Variants in GTF2H5 observed in about 807,000 individuals in gnomAD.
GTF2H5 encodes the protein TFB5 ortholog.
A neutral mutation model predicts 7.1 loss-of-function variants in GTF2H5; 5 were observed. The observed-to-expected ratio is 0.71, with a 90% CI of 0.37 to 1.49. The LOEUF is 1.49. GTF2H5 is among the 40% of genes most tolerant of loss of function. The pLI is 0.03. For missense variants in GTF2H5, 80 were observed against 83.0 expected (o/e 0.96, Z 0.14); for synonymous variants, 30 against 31.7 (o/e 0.95, Z 0.18).
At chr6:158,169,462 T>TAATATACTG (rs1562468201) in intron 1 of GTF2H5, among the ~76,000 whole-genome samples, 12 of 69,880 alleles carry the variant, frequency 1.7e-4, no homozygotes, top group African/African-American at 9.7e-4. Flanking sequence ...ATTATATATA[T>TAATATACTG]TATATTGTAT....
intron 1 of GTF2H5, among the ~76,000 whole-genome samples, chr6:158,169,739 TATATATTATATA>T (rs1785804860): frequency 9.9e-6 from 1 of 100,556 alleles, no homozygotes; most frequent in Non-Finnish European, 1.7e-5. Flanking sequence ...TATTGTATAT[TATATATTATATA>T]ATATATTGTA....
chr6:158,175,009 G>GGTGT (rs1187190034), intron 2 of GTF2H5, among the ~76,000 whole-genome samples: 83 of 77,832 alleles, frequency 1.1e-3, no homozygotes, highest in Middle Eastern at 5.0e-3. Context: ...CTGTGCCTGA[G>GGTGT]ATGTGTGTGT....
In GTF2H5 at chr6:158,196,382, G is replaced by A. The variant is rs115613510; in HGVS notation, c.*4225G>A. On this transcript the variant is annotated 3_prime_UTR_variant, in exon 3 of 3. Coordinates refer to ENST00000607778, the MANE Select transcript of GTF2H5 (RefSeq NM_207118.3). ...CTAGCTCTGGGATCTCAGATGTTTC[G>A]TTGATTGGATTTCTTTGTGCTCATT... is the stretch of plus-strand genomic sequence containing the variant. 4.0e-3 allele frequency: 607 copies of A among 152,278 alleles called. 6 individuals carry two copies. The highest frequency in any genetic ancestry group is 0.014 in the African/African-American group (571 of 41,566). 9.4% of individuals were successfully genotyped at this position (152,278 alleles called of 1,614,324 possible). A position where few individuals can be genotyped will look rare whatever the true frequency, so the allele number is the denominator to read the frequency against.
chr6:158,179,476 G>A (rs143727501), intron 2 of GTF2H5, among the ~76,000 whole-genome samples: 4 of 152,276 alleles, frequency 2.6e-5, no homozygotes, highest in African/African-American at 7.2e-5. Context: ...TCCTATCCAC[G>A]AGCATGGAAT....
In GTF2H5 at chr6:158,192,282, G is replaced by A; in HGVS notation, c.*125G>A. 2 of 725,664 alleles carry A rather than the reference G, an allele frequency of 2.8e-6. No individual in the cohort carries two copies. Among genetic ancestry groups the A allele is most frequent in the African/African-American group, 1.7e-5 (1 of 57,220 alleles). 45.0% of individuals were successfully genotyped at this position (725,664 alleles called of 1,614,324 possible). ...AGGAGCATGCCACGGGAAAGACTGA[G>A]GGATCATGATCATTTGTTCAGAAAA... is the stretch of plus-strand genomic sequence containing the variant. On this transcript the variant is annotated 3_prime_UTR_variant, in exon 3 of 3. Coordinates refer to ENST00000607778, the MANE Select transcript of GTF2H5 (RefSeq NM_207118.3).
chr6:158,169,488 T>TAATATAC (rs1562468305), intron 1 of GTF2H5, among the ~76,000 whole-genome samples: 1 of 57,008 alleles, frequency 1.8e-5, no homozygotes, highest in African/African-American at 8.6e-5. Context: ...ATATAATATA[T>TAATATAC]TGTATATTAT....
intron 2 of GTF2H5, among the ~76,000 whole-genome samples, chr6:158,183,744 G>A (rs998233046): frequency 4.6e-5 from 7 of 152,200 alleles, no homozygotes; most frequent in Middle Eastern, 6.3e-3. Context: ...CGCTTGTTGC[G>A]AAGACAGTGG....
At chr6:158,190,750 C>G (rs1043674190) in intron 2 of GTF2H5, 12 of 387,924 alleles carry the variant, frequency 3.1e-5, no homozygotes, top group African/African-American at 2.5e-4. Context: ...TTGATATTGA[C>G]ATTTCTCAAG....
rs1272280632 is a variant in GTF2H5, at chr6:158,168,359, C to G, written c.-71C>G. Reference sequence around the variant, plus strand: ...GCGTATCGGCGCAGGCGCACTCTGCCGGCAACGCCGAGGCGCTTCTGCATC... The same window carrying G: ...GCGTATCGGCGCAGGCGCACTCTGCGGGCAACGCCGAGGCGCTTCTGCATC... On this transcript the variant is annotated 5_prime_UTR_variant, in exon 1 of 3. Transcript: ENST00000607778. The G allele has an allele frequency of 1.3e-5, 2 of 152,354 alleles. No individual in the cohort carries two copies. The allele number at this position is 152,354 out of a possible 1,614,324, so 9.4% of individuals were successfully genotyped here.
intron 2 of GTF2H5, chr6:158,190,658 C>T (rs779499158): frequency 4.2e-6 from 2 of 472,600 alleles, no homozygotes; most frequent in Non-Finnish European, 8.5e-6. Flanking sequence ...CAGTTAATAC[C>T]TGTGCTTGTA....
At chr6:158,182,014 G>A (rs1019071360) in intron 2 of GTF2H5, among the ~76,000 whole-genome samples, 8 of 152,148 alleles carry the variant, frequency 5.3e-5, no homozygotes, top group Non-Finnish European at 7.3e-5. Flanking sequence ...GGCTGGTACC[G>A]GTTGTTCCTT....
rs866068661 is a variant in GTF2H5 at position 158,169,651 on chromosome 6, T to C, written c.-34-819T>C. ...TATTGTATATTACATATATTGTATA[T>C]TACATATAATATATTGTATATTATA... On this transcript the variant is annotated intron_variant, in intron 1 of 2. Coordinates refer to ENST00000607778, the MANE Select transcript of GTF2H5 (RefSeq NM_207118.3). 4.6e-4 allele frequency among the ~76,000 whole-genome samples: 33 copies of C among 71,930 alleles called. 3 individuals carry two copies. The highest frequency in any genetic ancestry group is 9.0e-4 in the South Asian group (2 of 2,228). 47.2% of individuals were successfully genotyped at this position (71,930 alleles called of 152,430 possible).
In GTF2H5 at chr6:158,197,003, C is replaced by T. The variant is rs909651872; in HGVS notation, c.*4846C>T. On this transcript the variant is annotated 3_prime_UTR_variant, in exon 3 of 3. Coordinates refer to ENST00000607778, the MANE Select transcript of GTF2H5 (RefSeq NM_207118.3). ...TCCACTCAATGGATACCAAAACCAT[C>T]CAGCCCAGGTCAGCTGCAGACAAAA... is the stretch of plus-strand genomic sequence containing the variant. 1 of 152,310 alleles carries T rather than the reference C, an allele frequency of 6.6e-6. No individual in the cohort carries two copies. Among genetic ancestry groups the T allele is most frequent in the African/African-American group, 2.4e-5 (1 of 41,572 alleles). 9.4% of individuals were successfully genotyped at this position (152,310 alleles called of 1,614,324 possible). A position where few individuals can be genotyped will look rare whatever the true frequency, so the allele number is the denominator to read the frequency against.
chr6:158,169,739 T>TATATATA (rs1785804793), intron 1 of GTF2H5, among the ~76,000 whole-genome samples: 1 of 100,556 alleles, frequency 9.9e-6, no homozygotes, highest in African/African-American at 4.5e-5. Flanking sequence ...TATTGTATAT[T>TATATATA]ATATATTATA....
At chr6:158,183,767 A>C (rs529910082) in intron 2 of GTF2H5, among the ~76,000 whole-genome samples, 45 of 152,286 alleles carry the variant, frequency 3.0e-4, no homozygotes, top group African/African-American at 1.0e-3. Context: ...AAAGTGCAGC[A>C]TTTGGGCTGG....
At chr6:158,175,024 G>GTGTGTGTGTGTGTGTGTATATA (rs1554267640) in intron 2 of GTF2H5, among the ~76,000 whole-genome samples, 111 of 124,114 alleles carry the variant, frequency 8.9e-4, no homozygotes, top group African/African-American at 4.8e-3. Flanking sequence ...GTGTGTGTGT[G>GTGTGTGTGTGTGTGTGTATATA]TGTGTGTGTG....
rs1408843318 is a variant in GTF2H5 at position 158,192,293 on chromosome 6, C to A, written c.*136C>A. The stretch of plus-strand genomic sequence containing the variant: ...ACGGGAAAGACTGAGGGATCATGAT[C>A]ATTTGTTCAGAAAAAAAGCCCCTGA... On this transcript the variant is annotated 3_prime_UTR_variant, in exon 3 of 3. Coordinates refer to ENST00000607778, the MANE Select transcript of GTF2H5 (RefSeq NM_207118.3). 7.5e-6 allele frequency: 5 copies of A among 665,162 alleles called. No homozygotes were observed. Among genetic ancestry groups the A allele is most frequent in the Non-Finnish European group, 1.3e-5 (5 of 375,482 alleles). The allele number at this position is 665,162 out of a possible 1,614,324, so 41.2% of individuals were successfully genotyped here.
At chr6:158,189,436 C>G (rs1337914624) in intron 2 of GTF2H5, among the ~76,000 whole-genome samples, 1 of 152,180 alleles carries the variant, frequency 6.6e-6, no homozygotes, top group Non-Finnish European at 1.5e-5. Context: ...TTTAGATACC[C>G]TGTTCTCCCA....
At chr6:158,169,448 A>ATAGTATATTG (rs1554266949) in intron 1 of GTF2H5, among the ~76,000 whole-genome samples, 1 of 66,864 alleles carries the variant, frequency 1.5e-5, no homozygotes, top group Non-Finnish European at 2.3e-5. Context: ...TATATATATT[A>ATAGTATATTG]TATATTATAT....
Sources: gnomAD v4.1 joint callset for allele counts (sites outside exome capture counted in the v4.1 genomes callset) on GRCh38, gnomAD v4.1.1 for gene constraint, MANE v1.5 for transcripts, NCBI Gene and HGNC (gene_info 2026-07-23, HGNC 2026-07-21) for gene names.